The following UBN2 variants were observed in gnomAD, a reference collection of about 807,000 sequenced individuals.
UBN2 encodes the protein ubinuclein 2, also known as ubinuclein-2.
UBN2 carries 35 observed loss-of-function variants against 120.2 expected under a neutral mutation model. The observed-to-expected ratio is 0.29, with a 90% confidence interval of 0.22 to 0.39. UBN2 has a LOEUF of 0.39. Ranked by LOEUF, UBN2 falls within the 10% of genes least tolerant of loss-of-function variation. The pLI is 1.00. For synonymous variants in UBN2, 661 were observed against 648.7 expected (o/e 1.02, Z -0.29); for missense variants, 1,693 against 1,663.2 (o/e 1.02, Z -0.31).
At position 139,276,092 on chromosome 7, in the gene UBN2, T is replaced by C; in HGVS notation, c.1974-5T>C. On this transcript the variant is annotated splice_region_variant and splice_polypyrimidine_tract_variant and intron_variant, in intron 11 of 17. Transcript: ENST00000473989. ...ATAATAATTGTGTTCTTTAAATTTTTCCAGAATGCTTTTTAAGGAAAGCCG... is the reference window on the plus strand; with the variant it reads ...ATAATAATTGTGTTCTTTAAATTTTCCCAGAATGCTTTTTAAGGAAAGCCG... 6.2e-7 allele frequency: 1 copy of C among 1,611,086 alleles called. No homozygotes were observed. The highest frequency in any genetic ancestry group is 8.5e-7 in the Non-Finnish European group (1 of 1,178,688).
At chr7:139,251,170 C>T (rs1347669716) in intron 2 of UBN2, among the ~76,000 whole-genome samples, 1 of 152,034 alleles carries the variant, frequency 6.6e-6, no homozygotes, top group African/African-American at 2.4e-5. Flanking sequence ...TAGAGCAAGA[C>T]CCTATCTTTA....
At chr7:139,255,601 CTTAG>C (rs1351785503) in intron 3 of UBN2, among the ~76,000 whole-genome samples, 1 of 151,952 alleles carries the variant, frequency 6.6e-6, no homozygotes, top group African/African-American at 2.4e-5. Context: ...AACAAAATAA[CTTAG>C]TGTCTTTGCC....
In UBN2 at chr7:139,284,410, A is replaced by C. The variant is rs1401472853; in HGVS notation, c.3505A>C (p.Asn1169His). ...GAACAGCTTGAGTGGAATTGCAATG[A>C]ATGTACCTGCCAGCAGAGGTAGCAA... ...GKNSLSGIAM[N>H]VPASRGSNLN... Residue 1169 changes from asparagine (N) to histidine (H), a missense_variant, in exon 15 of 18, where the codon AAT (asparagine) becomes CAT (histidine). By Grantham distance (68) the Asn-to-His change is moderately conservative. Around this residue, in one of 5 missense-constraint regions of UBN2, gnomAD observed 837 missense variants for 817.6 expected, o/e 1.02. Coordinates refer to ENST00000473989, the MANE Select transcript of UBN2 (RefSeq NM_173569.4). The C allele has an allele frequency of 5.6e-6, 9 of 1,614,108 alleles. No homozygotes were observed. The highest frequency in any genetic ancestry group is 1.3e-5 in the African/African-American group (1 of 74,928).
intron 15 of UBN2, 38 bp downstream of exon 15, chr7:139,284,612 G>T: frequency 3.3e-6 from 5 of 1,531,418 alleles, no homozygotes; most frequent in Non-Finnish European, 4.4e-6. Context: ...TAAACTATAA[G>T]ATTGTATAAT....
the UBN2 span, among the ~76,000 whole-genome samples, chr7:139,326,662 C>T: frequency 6.6e-6 from 1 of 152,220 alleles, no homozygotes; most frequent in Non-Finnish European, 1.5e-5. Flanking sequence ...TCCCAGGCTT[C>T]CTTGAAGCCA....
rs1251623660 is a variant in UBN2 at position 139,273,481 on chromosome 7, TAATA to T, written c.1829+76_1829+79del. ...AGATTCCTCATTAAAAAAAAATCTA[TAATA>T]AATATAAAACTAGATTGGAAGCAAC... On this transcript the variant is annotated intron_variant, in intron 10 of 17. Transcript: ENST00000473989. 20 of 1,070,528 alleles carry T rather than the reference TAATA, an allele frequency of 1.9e-5. No individual in the cohort carries two copies. In the South Asian group the frequency reaches 3.7e-4, roughly 20 times the overall value. The allele number at this position is 1,070,528 out of a possible 1,614,324, so 66.3% of individuals were successfully genotyped here. A position where few individuals can be genotyped will look rare whatever the true frequency, so the allele number is the denominator to read the frequency against.
At chr7:139,321,878 G>A in the UBN2 span, among the ~76,000 whole-genome samples, 5 of 152,276 alleles carry the variant, frequency 3.3e-5, no homozygotes, top group Admixed American at 1.3e-4. Flanking sequence ...GACACTGACC[G>A]TGACCCCACG....
chr7:139,320,782 G>A, the UBN2 span, among the ~76,000 whole-genome samples: 6 of 151,870 alleles, frequency 4.0e-5, no homozygotes, highest in African/African-American at 1.5e-4. Flanking sequence ...GCTTGAACCG[G>A]GAGGCGGAGG....
chr7:139,267,241 G>C (rs1323597950), intron 7 of UBN2, among the ~76,000 whole-genome samples: 4 of 152,140 alleles, frequency 2.6e-5, no homozygotes, highest in African/African-American at 7.2e-5. Context: ...ATTATAGAAA[G>C]ACACGGGAAA....
intron 3 of UBN2, among the ~76,000 whole-genome samples, chr7:139,255,524 G>A (rs1170955523): frequency 3.3e-5 from 5 of 152,138 alleles, no homozygotes; most frequent in Non-Finnish European, 7.4e-5. Context: ...CATACAACTA[G>A]TTTCTGAACA....
intron 7 of UBN2, among the ~76,000 whole-genome samples, chr7:139,268,482 A>G (rs1476772521): frequency 6.6e-6 from 1 of 152,142 alleles, no homozygotes; most frequent in Non-Finnish European, 1.5e-5. Flanking sequence ...TCCTTATACT[A>G]GGGAAAAAAG....
chr7:139,268,894 T>C (rs1379578106), intron 7 of UBN2, among the ~76,000 whole-genome samples: 3 of 152,226 alleles, frequency 2.0e-5, no homozygotes, highest in Non-Finnish European at 4.4e-5. Context: ...TAGAATACTT[T>C]TATAGCATTA....
At chr7:139,281,030 ATGT>A (rs1201649143) in intron 13 of UBN2, among the ~76,000 whole-genome samples, 32 of 152,280 alleles carry the variant, frequency 2.1e-4, no homozygotes, top group African/African-American at 7.5e-4. Flanking sequence ...TTGAATTTAG[ATGT>A]TGTTTTGACA....
intron 6 of UBN2, among the ~76,000 whole-genome samples, chr7:139,264,885 C>A (rs1797050177): frequency 6.6e-6 from 1 of 152,208 alleles, no homozygotes; most frequent in South Asian, 2.1e-4. Flanking sequence ...CATGCCTGGC[C>A]TACACTATTT....
At position 139,307,580 on chromosome 7, in the gene UBN2, G is replaced by C. The variant is rs1798382992; in HGVS notation, c.*9744G>C. The C allele has an allele frequency of 6.6e-6, 1 of 152,070 alleles. No homozygotes were observed. The highest frequency in any genetic ancestry group is 1.5e-5 in the Non-Finnish European group (1 of 68,024). The allele number at this position is 152,070 out of a possible 1,614,324, so 9.4% of individuals were successfully genotyped here. A position where few individuals can be genotyped will look rare whatever the true frequency, so the allele number is the denominator to read the frequency against. On this transcript the variant is annotated 3_prime_UTR_variant, in exon 18 of 18. Transcript: ENST00000473989. ...GTGTGTTTGTATAAGGCTCTTTTGA[G>C]ATGAACTGGTGCTTGTTTAATTTCC...
At chr7:139,323,756 ATT>A in the UBN2 span, among the ~76,000 whole-genome samples, 1 of 151,838 alleles carries the variant, frequency 6.6e-6, no homozygotes, top group Non-Finnish European at 1.5e-5. Flanking sequence ...AGCCCGGCTA[ATT>A]TTGGTATTTT....
intron 6 of UBN2, 61 bp downstream of exon 6, chr7:139,261,802 G>T (rs1796944179): frequency 6.6e-7 from 1 of 1,509,306 alleles, no homozygotes; most frequent in Admixed American, 2.1e-5. Flanking sequence ...TAATGCTTTT[G>T]TTCGTTTGTT....
the UBN2 span, among the ~76,000 whole-genome samples, chr7:139,321,772 T>C: frequency 1.3e-5 from 2 of 151,766 alleles, no homozygotes; most frequent in Admixed American, 6.6e-5. Context: ...ACTCATGGAG[T>C]GAAACCTGAC....
In UBN2 at chr7:139,293,911, A is replaced by T. The variant is rs756899864; in HGVS notation, c.3924A>T (p.Pro1308=). 11 of 1,614,046 alleles carry T rather than the reference A, an allele frequency of 6.8e-6. 1 individual carries two copies. The South Asian group carries it at 1.2e-4, about 18-fold the overall frequency. ...LTQNLLKGLQ[P]GGAQHAATLS... ...CAGATTTACTAAAGGGTTTACAGCC[A>T]GGAGGAGCTCAGCATGCAGCAACGC... Residue 1308 remains proline (P), a synonymous_variant, in exon 17 of 18, where the codon CCA becomes CCT. Transcript: ENST00000473989.
Sources: gnomAD v4.1 joint callset for allele counts (sites outside exome capture counted in the v4.1 genomes callset) on GRCh38, gnomAD v4.1.1 for gene constraint, gnomAD v4.1.1 regional missense constraint, MANE v1.5 for transcripts, NCBI Gene and HGNC (gene_info 2026-07-23, HGNC 2026-07-21) for gene names.